Variants in RHBDF1 observed in about 807,000 individuals in gnomAD.
RHBDF1 encodes the protein inactive rhomboid protein 1.
RHBDF1 carries 80 observed loss-of-function variants against 98.6 expected under a neutral mutation model. The ratio of observed to expected loss-of-function variants is 0.81; its 90% CI spans 0.68 to 0.98. RHBDF1 has a LOEUF of 0.98. Ranked by LOEUF, RHBDF1 falls within the 50% of genes least tolerant of loss-of-function variation. RHBDF1 has a pLI of 0.00. For synonymous variants in RHBDF1, 512 were observed against 486.8 expected (o/e 1.05, Z -0.68); for missense variants, 1,116 against 1,198.3 (o/e 0.93, Z 1.01).
chr16:70,013 G>GT (rs1897930381), intron 1 of RHBDF1, among the ~76,000 whole-genome samples: 1 of 132,184 alleles, frequency 7.6e-6, no homozygotes, highest in African/African-American at 3.4e-5. Flanking sequence ...TTGGCAGGAG[G>GT]GGGGGGGGCA....
Position 62,058 on chromosome 16 carries a change from G to C in RHBDF1, c.954-6C>G. Reference sequence around the variant, plus strand: ...GCCAGCCTCGCTCCAAGGGCCTGGAGGGAGCCGGCATTCACCTCCCGCCCC... The same window carrying C: ...GCCAGCCTCGCTCCAAGGGCCTGGACGGAGCCGGCATTCACCTCCCGCCCC... On this transcript the variant is annotated splice_polypyrimidine_tract_variant and splice_region_variant and intron_variant, in intron 7 of 17. Coordinates refer to ENST00000262316, the MANE Select transcript of RHBDF1 (RefSeq NM_022450.5). 1.4e-6 allele frequency: 2 copies of C among 1,455,220 alleles called. No individual in the cohort carries two copies. Among genetic ancestry groups the C allele is most frequent in the Non-Finnish European group, 1.8e-6 (2 of 1,108,014 alleles). The allele number at this position is 1,455,220 out of a possible 1,614,324, so 90.1% of individuals were successfully genotyped here. A position where few individuals can be genotyped will look rare whatever the true frequency, so the allele number is the denominator to read the frequency against.
In RHBDF1 at chr16:63,598, C is replaced by T. The variant is rs202109759; in HGVS notation, c.451G>A (p.Gly151Ser). 2 of 1,554,688 alleles carry T rather than the reference C, an allele frequency of 1.3e-6. No individual in the cohort carries two copies. The highest frequency in any genetic ancestry group is 1.7e-6 in the Non-Finnish European group (2 of 1,150,884). Reference protein sequence around the residue: ...PPLYVGPCQLGMQKIIDPLAR... With the variant: ...PPLYVGPCQLSMQKIIDPLAR... ...ACAGGCAGGCATACCTTCTGCATGC[C>T]CAGCTGGCATGGCCCCACGTAGAGT... The change falls in exon 4 of 18, where the codon GGC becomes AGC. Residue 151 changes from glycine (G) to serine (S), a missense_variant. Transcript: ENST00000262316.
At chr16:58,806 C>T (rs774011665) in intron 17 of RHBDF1, 47 bp from the exon 18 acceptor site, 10 of 1,588,034 alleles carry the variant, frequency 6.3e-6, no homozygotes, top group Non-Finnish European at 3.4e-6. Flanking sequence ...CTGGGCAGGC[C>T]CCCTGGACCC....
At chr16:72,190 G>A (rs1004951011) in intron 1 of RHBDF1, among the ~76,000 whole-genome samples, 7 of 152,232 alleles carry the variant, frequency 4.6e-5, no homozygotes, top group Non-Finnish European at 7.3e-5. Context: ...GCTGTTGGGC[G>A]GGGGCTGGAG....
In RHBDF1 at chr16:59,916, G is replaced by A. The variant is rs1897545120; in HGVS notation, c.1723-90C>T. On this transcript the variant is annotated intron_variant, in intron 13 of 17. Coordinates refer to ENST00000262316, the MANE Select transcript of RHBDF1 (RefSeq NM_022450.5). The stretch of plus-strand genomic sequence containing the variant: ...TGGGGGTAGAGGCAAAGATGGGTGG[G>A]CTCATAAAGCAGAAAACGGTGTGGC... 25 of 1,584,728 alleles carry A rather than the reference G, an allele frequency of 1.6e-5. No individual in the cohort carries two copies. In the East Asian group the frequency reaches 5.7e-4, roughly 36 times the overall value.
chr16:59,505 A>G lies in RHBDF1; in HGVS notation c.1818-11T>C. The stretch of plus-strand genomic sequence containing the variant: ...GAGGTGATCTCACACCTAGAAAGGC[A>G]GGCCAGGGTTCGGAGACTGCTGCCT... On this transcript the variant is annotated splice_polypyrimidine_tract_variant and intron_variant, in intron 14 of 17. Coordinates refer to ENST00000262316, the MANE Select transcript of RHBDF1 (RefSeq NM_022450.5). 1 of 1,612,292 alleles carries G rather than the reference A, an allele frequency of 6.2e-7. No homozygotes were observed.
intron 1 of RHBDF1, among the ~76,000 whole-genome samples, chr16:69,746 C>A (rs1456928439): frequency 1.2e-4 from 19 of 152,322 alleles, no homozygotes; most frequent in African/African-American, 4.6e-4. Flanking sequence ...TCAACCCTCC[C>A]AGTGAAGCCT....
At chr16:74,374 C>T (rs1199871923), upstream of RHBDF1, among the ~76,000 whole-genome samples, 1 of 152,246 alleles carries the variant, frequency 6.6e-6, no homozygotes, top group African/African-American at 2.4e-5. Context: ...CATCTGGTGT[C>T]AGCAGGTCTC....
At position 61,610 on chromosome 16, in the gene RHBDF1, A is replaced by C. The variant is rs767359742; in HGVS notation, c.1295T>G (p.Phe432Cys). The C allele has an allele frequency of 6.2e-7, 1 of 1,613,390 alleles. No homozygotes were observed. ...CGAGTCCACCGTCTCATGCTGCGAGAAGCCCACGGGCGCGATGCCATAGAT... is the reference window on the plus strand; with the variant it reads ...CGAGTCCACCGTCTCATGCTGCGAGCAGCCCACGGGCGCGATGCCATAGAT... ...VCIYGIAPVG[F>C]SQHETVDSVL... Residue 432 changes from phenylalanine to cysteine, a missense_variant, in exon 9 of 18, where the codon TTC becomes TGC. Phe to Cys is a radical substitution (Grantham distance 205, BLOSUM62 -2). Coordinates refer to ENST00000262316, the MANE Select transcript of RHBDF1 (RefSeq NM_022450.5).
chr16:61,876 C>A lies in RHBDF1; in HGVS notation c.1130G>T (p.Gly377Val). The change falls in exon 8 of 18, where the codon GGA (glycine) becomes GTA (valine). Residue 377 changes from glycine to valine, a missense_variant. Physicochemically the swap from Gly to Val is moderately radical, Grantham distance 109. Coordinates refer to ENST00000262316, the MANE Select transcript of RHBDF1 (RefSeq NM_022450.5). The stretch of plus-strand genomic sequence containing the variant: ...GCGGTAGGTGCGGTTGGTGAGCCGT[C>A]CCACCATGCCCAGCCCATACGGCCG... ...EKRPYGLGMV[G>V]RLTNRTYRKR... The A allele has an allele frequency of 6.2e-7, 1 of 1,609,372 alleles. No individual in the cohort carries two copies. Among genetic ancestry groups the A allele is most frequent in the Non-Finnish European group, 8.5e-7 (1 of 1,179,778 alleles).
At chr16:62,402 C>T in intron 7 of RHBDF1, 136 bp downstream of exon 7, 1 of 1,195,838 alleles carries the variant, frequency 8.4e-7, no homozygotes, top group Non-Finnish European at 1.2e-6. Flanking sequence ...CCCTGGTGGC[C>T]CAGTGAGTAG....
In RHBDF1 at chr16:61,962, C is replaced by T. The variant is rs201123556; in HGVS notation, c.1044G>A (p.Ala348=). 4.8e-5 allele frequency: 77 copies of T among 1,593,114 alleles called. 1 individual carries two copies. In the African/African-American group the frequency reaches 9.5e-4, roughly 20 times the overall value. The change falls in exon 8 of 18, where the codon GCG becomes GCA. Residue 348 remains alanine (A), a synonymous_variant. Transcript: ENST00000262316. The part of the protein sequence containing the change: ...VRLRQEVVST[A]GPRRGQRIAV... ...CGATACGCTGGCCCCGTCGCGGCCC[C>T]GCGGTGCTCACCACCTCCTGTCGGA...
chr16:66,105 A>C (rs1053072759), intron 1 of RHBDF1, among the ~76,000 whole-genome samples: 3 of 152,226 alleles, frequency 2.0e-5, no homozygotes, highest in Admixed American at 6.5e-5. Context: ...ATTCCAGTGG[A>C]GACCCAGATT....
intron 11 of RHBDF1, 56 bp from the exon 12 acceptor site, chr16:60,595 G>T (rs902093315): frequency 1.1e-5 from 15 of 1,382,442 alleles, no homozygotes; most frequent in Non-Finnish European, 1.5e-5. Context: ...TGAGGGGCAC[G>T]CAGGGAGTCA....
At chr16:61,355 C>T in intron 10 of RHBDF1, 30 bp downstream of exon 10, 1 of 1,553,060 alleles carries the variant, frequency 6.4e-7, no homozygotes, top group East Asian at 2.4e-5. Flanking sequence ...GTCCCGCCCC[C>T]GCCGGCCCCG....
upstream of RHBDF1, chr16:73,842 C>T (rs1392311631): frequency 1.4e-6 from 1 of 726,096 alleles, no homozygotes. Flanking sequence ...ACTTGAGGGC[C>T]CGACGCAGAC....
chr16:73,136 C>A (rs1010771850), upstream of RHBDF1, among the ~76,000 whole-genome samples: 13 of 152,334 alleles, frequency 8.5e-5, no homozygotes, highest in African/African-American at 3.1e-4. Flanking sequence ...GTCCCCACAT[C>A]CTTCCACTTC....
intron 3 of RHBDF1, chr16:64,357 T>C: frequency 7.3e-7 from 1 of 1,369,084 alleles, no homozygotes; most frequent in Non-Finnish European, 9.7e-7. Context: ...AGAGAGAGAC[T>C]GGCGCTGTGG....
chr16:63,826 G>A (rs1414437592), intron 3 of RHBDF1, 26 bp from the exon 4 acceptor site: 2 of 1,604,146 alleles, frequency 1.2e-6, no homozygotes, highest in South Asian at 1.1e-5. Flanking sequence ...CTCAGCAAGG[G>A]GCGGCCAGAT....
Sources: allele counts gnomAD v4.1 joint callset (sites outside exome capture counted in the v4.1 genomes callset), GRCh38; gene constraint gnomAD v4.1.1; transcripts MANE v1.5; gene names NCBI Gene and HGNC (gene_info 2026-07-23, HGNC 2026-07-21).